The following CDADC1 variants were observed in gnomAD, a reference collection of about 807,000 sequenced individuals.
CDADC1 encodes the protein dCTP deaminase.
Under a neutral mutation model 54.9 loss-of-function variants are expected in CDADC1, and 39 were observed. The ratio of observed to expected loss-of-function variants is 0.71; its 90% confidence interval spans 0.55 to 0.93. The LOEUF (loss-of-function observed/expected upper bound fraction) is 0.93. Ranked by LOEUF, CDADC1 falls within the 40% of genes least tolerant of loss-of-function variation. The probability of loss-of-function intolerance (pLI) is 0.00; values close to 1 mark genes in which losing one functional copy is unlikely to be tolerated. For synonymous variants in CDADC1, 186 were observed against 204.0 expected, an observed-to-expected ratio of 0.91 and a Z score of 0.75; for missense variants, 518 against 618.8, an observed-to-expected ratio of 0.84 and a Z score of 1.73.
intron 7 of CDADC1, among the ~76,000 whole-genome samples, 184 bp from the exon 8 acceptor site, chr13:49,280,325 C>G (rs1315819489): frequency 6.6e-6 from 1 of 152,072 alleles, no homozygotes; most frequent in African/African-American, 2.4e-5. Context: ...TATCATAACA[C>G]TTTTGTGGGT....
intron 8 of CDADC1, among the ~76,000 whole-genome samples, chr13:49,282,595 A>G (rs762302989): frequency 6.6e-6 from 1 of 152,204 alleles, no homozygotes; most frequent in Non-Finnish European, 1.5e-5. Flanking sequence ...ACATTGATAC[A>G]TTACTGCCAC....
chr13:49,280,424 C>T (rs1332918208), intron 7 of CDADC1, 85 bp from the exon 8 acceptor site: 4 of 578,542 alleles, frequency 6.9e-6, no homozygotes, highest in African/African-American at 1.9e-5. Flanking sequence ...TAAAACAGCT[C>T]AATTTTAGTG....
In CDADC1 at chr13:49,248,055, G is replaced by A. The variant is rs1309427450; in HGVS notation, c.18G>A (p.Gln6=). 2 of 1,553,516 alleles carry A rather than the reference G, an allele frequency of 1.3e-6. No individual in the cohort carries two copies. The highest frequency in any genetic ancestry group is 1.7e-6 in the Non-Finnish European group (2 of 1,148,216). Residue 6 remains glutamine (Q), a synonymous_variant, in exon 1 of 10, where the codon CAG becomes CAA. Coordinates refer to ENST00000251108, the MANE Select transcript of CDADC1 (RefSeq NM_030911.4). ...GGTTTGGGATGAAAGAAGCTGGGCA[G>A]ATGCAAAATCTGGAGAGCGCGAGGG... MKEAG[Q]MQNLESARAG... is the part of the protein sequence containing the mutation.
rs1233395627 is a variant in CDADC1 at position 49,267,505 on chromosome 13, T to C, written c.446T>C (p.Ile149Thr). The C allele has an allele frequency of 6.2e-7, 1 of 1,610,874 alleles. No individual in the cohort carries two copies. The highest frequency in any genetic ancestry group is 1.1e-5 in the South Asian group (1 of 90,606). The change falls in exon 5 of 10, where the codon ATT (isoleucine) becomes ACT (threonine). Residue 149 changes from isoleucine to threonine, a missense_variant. Coordinates refer to ENST00000251108, the MANE Select transcript of CDADC1 (RefSeq NM_030911.4). ...TGTATTTCAGCTGGAGTTAACCGAA[T>C]TTCATACTGGCCTGCTGATCCAGAA... ...KMIVNAGVNR[I>T]SYWPADPEIS...
chr13:49,275,726 TAGAGAGAGAGAGAGAGAGAGAGAG>T (rs1163125791), intron 6 of CDADC1, among the ~76,000 whole-genome samples: 195 of 17,904 alleles, frequency 0.011, 2 homozygotes, highest in South Asian at 0.016. Context: ...TATATATATA[TAGAGAGAGAGAGAGAGAGAGAGAG>T]AGAGAGAGAG....
At chr13:49,286,332 T>G in intron 9 of CDADC1, 50 bp downstream of exon 9, 2 of 1,291,050 alleles carry the variant, frequency 1.5e-6, no homozygotes, top group Non-Finnish European at 2.2e-6. Context: ...AGAAAGGATA[T>G]ACAGTGAATT....
intron 8 of CDADC1, among the ~76,000 whole-genome samples, chr13:49,281,950 A>C (rs1200587783): frequency 9.9e-6 from 1 of 101,246 alleles, no homozygotes; most frequent in African/African-American, 4.0e-5. Context: ...AGTATCTGGG[A>C]TTACAGGCGC....
At chr13:49,285,224 G>A (rs542414487) in intron 8 of CDADC1, among the ~76,000 whole-genome samples, 1 of 146,930 alleles carries the variant, frequency 6.8e-6, no homozygotes, top group East Asian at 2.0e-4. Flanking sequence ...TGTCTTCCAG[G>A]CTGGAGTGCA....
intron 4 of CDADC1, among the ~76,000 whole-genome samples, chr13:49,260,703 T>C (rs1334438369): frequency 1.3e-5 from 2 of 152,186 alleles, no homozygotes; most frequent in Non-Finnish European, 2.9e-5. Context: ...AAAATATGCA[T>C]CTTGTTGCAT....
At chr13:49,252,463 C>T (rs1952457468) in intron 2 of CDADC1, among the ~76,000 whole-genome samples, 1 of 152,118 alleles carries the variant, frequency 6.6e-6, no homozygotes, top group African/African-American at 2.4e-5. Flanking sequence ...GTATTTAGAA[C>T]ATGATTGTAG....
At chr13:49,270,488 G>A (rs182302371) in intron 5 of CDADC1, among the ~76,000 whole-genome samples, 198 of 152,290 alleles carry the variant, frequency 1.3e-3, no homozygotes, top group Admixed American at 4.4e-3. Flanking sequence ...AAAGTGCTGG[G>A]ATTACAGGCA....
chr13:49,256,222 T>G (rs1305180504), intron 3 of CDADC1, among the ~76,000 whole-genome samples: 1 of 152,186 alleles, frequency 6.6e-6, no homozygotes, highest in Non-Finnish European at 1.5e-5. Context: ...TTGCTGGGTA[T>G]GCCAAGAATG....
rs139752988 is a variant in CDADC1 at position 49,267,722 on chromosome 13, G to A, written c.663G>A (p.Pro221=). 41 of 1,611,656 alleles carry A rather than the reference G, an allele frequency of 2.5e-5. No homozygotes were observed. The highest frequency in any genetic ancestry group is 1.1e-4 in the African/African-American group (8 of 74,888). ...DFIQKITKTL[P]DANTDFYYEC... is the part of the protein sequence containing the mutation. The stretch of plus-strand genomic sequence containing the variant: ...TTCAAAAAATTACAAAAACATTGCC[G>A]GATGCTAACACTGACTTTTATTATG... The change falls in exon 5 of 10, where the codon CCG becomes CCA. Residue 221 remains proline, a synonymous_variant. Transcript: ENST00000251108.
intron 7 of CDADC1, 49 bp downstream of exon 7, chr13:49,278,568 G>A (rs757666570): frequency 8.1e-7 from 1 of 1,238,938 alleles, no homozygotes; most frequent in South Asian, 1.8e-5. Flanking sequence ...AGCAAGGGTT[G>A]GTTGAAATTA....
At chr13:49,270,353 T>G (rs1952935034) in intron 5 of CDADC1, among the ~76,000 whole-genome samples, 1 of 152,100 alleles carries the variant, frequency 6.6e-6, no homozygotes, top group African/African-American at 2.4e-5. Flanking sequence ...CCTGAGTAGC[T>G]TGTACTACAG....
chr13:49,264,564 A>AAG (rs927072971), intron 4 of CDADC1, among the ~76,000 whole-genome samples: 2 of 150,664 alleles, frequency 1.3e-5, no homozygotes, highest in African/African-American at 4.9e-5. Context: ...CCAAAAAAAA[A>AAG]AAAAAAAAAA....
chr13:49,249,998 A>C (rs548431118), intron 2 of CDADC1, among the ~76,000 whole-genome samples: 2 of 152,296 alleles, frequency 1.3e-5, no homozygotes, highest in Non-Finnish European at 2.9e-5. Context: ...TGAGCATTTA[A>C]GACTTTTTTT....
chr13:49,289,155 GTC>G (rs1284759043), intron 9 of CDADC1, among the ~76,000 whole-genome samples: 1 of 110,768 alleles, frequency 9.0e-6, no homozygotes, highest in Non-Finnish European at 1.7e-5. Flanking sequence ...TTATGACGGA[GTC>G]TCACTCTGTC....
In CDADC1 at chr13:49,258,841, G is replaced by A. The variant is rs571059445; in HGVS notation, c.253-505G>A. The stretch of plus-strand genomic sequence containing the variant: ...GAAATTGAGAATTATCTTTTCTTTG[G>A]TCAATATCTAAAATATTTTAGAATT... On this transcript the variant is annotated intron_variant, in intron 3 of 9. Coordinates refer to ENST00000251108, the MANE Select transcript of CDADC1 (RefSeq NM_030911.4). 3.3e-5 allele frequency among the ~76,000 whole-genome samples: 5 copies of A among 152,248 alleles called. No homozygotes were observed. The East Asian group carries it at 7.7e-4, about 23-fold the overall frequency.
Sources: allele counts gnomAD v4.1 joint callset (sites outside exome capture counted in the v4.1 genomes callset), GRCh38; gene constraint gnomAD v4.1.1; transcripts MANE v1.5; gene names NCBI Gene and HGNC (gene_info 2026-07-23, HGNC 2026-07-21).